The following GABRB1 variants were observed in gnomAD, a reference collection of about 807,000 sequenced individuals.
The protein encoded by GABRB1 is gamma-aminobutyric acid type A receptor subunit beta1, also known as gamma-aminobutyric acid receptor subunit beta-1.
GABRB1 carries 17 observed loss-of-function variants against 51.6 expected under a neutral mutation model. The observed-to-expected ratio is 0.33, with a 90% CI of 0.23 to 0.49. GABRB1 has a LOEUF of 0.49. Among genes scored for constraint, GABRB1 ranks in the 20% least tolerant of loss-of-function variants. The pLI, the probability that GABRB1 is intolerant of heterozygous loss-of-function variation, is 0.99. For synonymous variants in GABRB1, 247 were observed against 218.9 expected, an observed-to-expected ratio of 1.13 and a Z score of -1.14; for missense variants, 410 against 600.6, an observed-to-expected ratio of 0.68 and a Z score of 3.32.
intron 3 of GABRB1, among the ~76,000 whole-genome samples, chr4:47,131,114 T>A (rs1328211401): frequency 6.6e-6 from 1 of 152,164 alleles, no homozygotes; most frequent in Non-Finnish European, 1.5e-5. Context: ...GGAAGAAAAC[T>A]GAAGAGGCCA....
Position 47,426,166 on chromosome 4 carries a change from G to T in GABRB1, c.*148G>T. On this transcript the variant is annotated 3_prime_UTR_variant, in exon 9 of 9. Transcript: ENST00000295454. ...GGTCTTGCATATCAGTTTTATTACT[G>T]CACCATGTTTACTTCAAAAAGACAA... The T allele has an allele frequency of 1.7e-6, 1 of 575,526 alleles. No individual in the cohort carries two copies. Among genetic ancestry groups the T allele is most frequent in the South Asian group, 3.1e-5 (1 of 32,602 alleles). 35.7% of individuals were successfully genotyped at this position (575,526 alleles called of 1,614,324 possible).
intron 4 of GABRB1, among the ~76,000 whole-genome samples, chr4:47,265,642 T>G (rs1722616909): frequency 6.6e-6 from 1 of 152,148 alleles, no homozygotes. Flanking sequence ...TTCTGACTGG[T>G]GTAAGATGGT....
chr4:47,203,761 T>C (rs1158848366), intron 4 of GABRB1, among the ~76,000 whole-genome samples: 1 of 151,974 alleles, frequency 6.6e-6, no homozygotes, highest in Non-Finnish European at 1.5e-5. Context: ...TCTCATCCCA[T>C]CGAGACATCA....
chr4:47,002,096 T>C (rs1402622737), intron 1 of GABRB1, among the ~76,000 whole-genome samples: 1 of 152,252 alleles, frequency 6.6e-6, no homozygotes, highest in Non-Finnish European at 1.5e-5. Context: ...ATTTGAATTT[T>C]GTTCTTTTGA....
intron 4 of GABRB1, among the ~76,000 whole-genome samples, chr4:47,184,791 C>T (rs114962631): frequency 0.013 from 1,974 of 151,932 alleles, 12 homozygotes; most frequent in Non-Finnish European, 0.021. Context: ...CACGGAAATA[C>T]GCCTGAATTT....
chr4:47,199,388 C>A (rs943652470), intron 4 of GABRB1, among the ~76,000 whole-genome samples: 1 of 152,092 alleles, frequency 6.6e-6, no homozygotes, highest in African/African-American at 2.4e-5. Flanking sequence ...AAATGTACGA[C>A]TCATGGATCC....
chr4:47,316,362 A>G (rs1190235744), intron 4 of GABRB1, among the ~76,000 whole-genome samples: 4 of 151,928 alleles, frequency 2.6e-5, no homozygotes, highest in South Asian at 4.1e-4. Flanking sequence ...GCTTATTTCA[A>G]TTAACATAAT....
chr4:47,008,398 A>G (rs1724473772), intron 1 of GABRB1, among the ~76,000 whole-genome samples: 2 of 152,206 alleles, frequency 1.3e-5, no homozygotes, highest in South Asian at 4.1e-4. Context: ...GTGTTAGAAT[A>G]TAAGGAATGC....
rs370562672 is a variant in GABRB1, at chr4:47,280,673, G to C, written c.462-39454G>C. ...TTTTTATTTTAATTTTTTGAGACGGGGCCTTGCCCTGTCACTGAGGCTAGA... is the reference window on the plus strand; with the variant it reads ...TTTTTATTTTAATTTTTTGAGACGGCGCCTTGCCCTGTCACTGAGGCTAGA... On this transcript the variant is annotated intron_variant, in intron 4 of 8. Transcript: ENST00000295454. Among the ~76,000 whole-genome samples, 3 of 151,394 alleles carry C rather than the reference G, an allele frequency of 2.0e-5. No individual in the cohort carries two copies. The East Asian group carries it at 5.8e-4, about 29-fold the overall frequency.
chr4:47,249,966 C>T (rs936940443), intron 4 of GABRB1, among the ~76,000 whole-genome samples: 7 of 152,010 alleles, frequency 4.6e-5, no homozygotes, highest in East Asian at 1.9e-4. Flanking sequence ...TTGCATTCAT[C>T]GTGTTATTTC....
intron 3 of GABRB1, among the ~76,000 whole-genome samples, chr4:47,112,910 A>G (rs1037880905): frequency 1.3e-5 from 2 of 152,160 alleles, no homozygotes; most frequent in Non-Finnish European, 2.9e-5. Flanking sequence ...CCCTATCTCT[A>G]AATCTATATT....
intron 7 of GABRB1, among the ~76,000 whole-genome samples, chr4:47,406,341 T>C (rs1262133103): frequency 6.6e-6 from 1 of 152,222 alleles, no homozygotes; most frequent in Non-Finnish European, 1.5e-5. Context: ...GGAAGAAAGA[T>C]GTGGTCATGT....
At chr4:47,200,694 G>A (rs1719865166) in intron 4 of GABRB1, among the ~76,000 whole-genome samples, 1 of 152,058 alleles carries the variant, frequency 6.6e-6, no homozygotes, top group African/African-American at 2.4e-5. Context: ...TTGCGCACAA[G>A]GCCAGGAAAC....
At chr4:47,262,414 AT>A (rs1180256847) in intron 4 of GABRB1, among the ~76,000 whole-genome samples, 7 of 152,218 alleles carry the variant, frequency 4.6e-5, no homozygotes, top group Admixed American at 3.9e-4. Flanking sequence ...AAAAGAAGAC[AT>A]TTATGCAGCC....
At chr4:47,069,184 C>A (rs1428838564) in intron 3 of GABRB1, among the ~76,000 whole-genome samples, 1 of 152,180 alleles carries the variant, frequency 6.6e-6, no homozygotes, top group Non-Finnish European at 1.5e-5. Context: ...TCTTCTGTTA[C>A]CATGTTAAAT....
At chr4:47,129,104 A>T (rs1716297148) in intron 3 of GABRB1, among the ~76,000 whole-genome samples, 1 of 152,168 alleles carries the variant, frequency 6.6e-6, no homozygotes, top group Admixed American at 6.5e-5. Context: ...CATTTAAGAG[A>T]TTAAGATTGG....
At chr4:47,125,555 A>ATTTTTTTTTTTTTTTTTTT (rs570181191) in intron 3 of GABRB1, among the ~76,000 whole-genome samples, 3 of 21,022 alleles carry the variant, frequency 1.4e-4, no homozygotes, top group South Asian at 2.8e-3. Flanking sequence ...ACAAAGTATA[A>ATTTTTTTTTTTTTTTTTTT]TTTCTTTTTT....
chr4:47,178,685 T>G (rs556687285), intron 4 of GABRB1, among the ~76,000 whole-genome samples: 1 of 152,258 alleles, frequency 6.6e-6, no homozygotes, highest in South Asian at 2.1e-4. Flanking sequence ...ATGAATGCCA[T>G]TTTTAGAAAA....
intron 4 of GABRB1, among the ~76,000 whole-genome samples, chr4:47,270,839 C>T (rs1183760679): frequency 6.6e-6 from 1 of 152,148 alleles, no homozygotes; most frequent in Admixed American, 6.6e-5. Context: ...CCTGGAAGAA[C>T]TTCAAATGGT....
Sources: allele counts gnomAD v4.1 joint callset (sites outside exome capture counted in the v4.1 genomes callset), GRCh38; gene constraint gnomAD v4.1.1; transcripts MANE v1.5; gene names NCBI Gene and HGNC (gene_info 2026-07-23, HGNC 2026-07-21).